LRIG1: variants seen among roughly 807,000 people sequenced by gnomAD.
LRIG1 encodes the protein leucine-rich repeats and immunoglobulin-like domains protein 1.
A neutral mutation model predicts 99.2 loss-of-function variants in LRIG1; 48 were observed. The observed-to-expected ratio is 0.48, with a 90% CI of 0.38 to 0.62. LRIG1 has a LOEUF of 0.62. Among genes scored for constraint, LRIG1 ranks in the 20% least tolerant of loss-of-function variants. The pLI is 0.00. For synonymous variants in LRIG1, 772 were observed against 596.1 expected (o/e 1.29, Z -4.30); for missense variants, 1,646 against 1,434.4 (o/e 1.15, Z -2.38).
At chr3:66,410,090 C>G (rs749533721) in intron 7 of LRIG1, 39 bp downstream of exon 7, 15 of 1,578,074 alleles carry the variant, frequency 9.5e-6, no homozygotes, top group Non-Finnish European at 1.0e-5. Context: ...CAAGCAGTGT[C>G]TAAAAACACT....
intron 1 of LRIG1, 60 bp downstream of exon 1, chr3:66,500,130 G>T: frequency 7.3e-7 from 1 of 1,363,122 alleles, no homozygotes; most frequent in Non-Finnish European, 9.9e-7. Context: ...AACCCCCGCC[G>T]CTCCATCCCC....
chr3:66,486,598 A>C (rs1036942675), intron 1 of LRIG1, among the ~76,000 whole-genome samples: 1 of 152,238 alleles, frequency 6.6e-6, no homozygotes, highest in African/African-American at 2.4e-5. Context: ...AATCGACTCA[A>C]CTAATGATTC....
At chr3:66,381,114 G>A (rs1701031701) in intron 17 of LRIG1, among the ~76,000 whole-genome samples, 1 of 152,200 alleles carries the variant, frequency 6.6e-6, no homozygotes, top group Non-Finnish European at 1.5e-5. Flanking sequence ...CTTCACGGGG[G>A]AAAAGCCATT....
intron 1 of LRIG1, among the ~76,000 whole-genome samples, chr3:66,496,943 G>T (rs913721369): frequency 6.6e-6 from 1 of 152,232 alleles, no homozygotes; most frequent in Admixed American, 6.5e-5. Context: ...CACAGTTGGT[G>T]TTTATTTTCT....
At chr3:66,396,493 A>G (rs1376818103) in intron 11 of LRIG1, among the ~76,000 whole-genome samples, 2 of 152,232 alleles carry the variant, frequency 1.3e-5, no homozygotes, top group African/African-American at 4.8e-5. Flanking sequence ...TGATGGAGAA[A>G]AAGACGACCA....
intron 3 of LRIG1, among the ~76,000 whole-genome samples, chr3:66,425,767 C>T (rs1273545361): frequency 1.3e-5 from 2 of 152,216 alleles, no homozygotes; most frequent in Non-Finnish European, 2.9e-5. Context: ...CAGTTTACCC[C>T]TTGGGCTGCC....
At chr3:66,410,048 G>C in intron 7 of LRIG1, 81 bp downstream of exon 7, 1 of 1,453,192 alleles carries the variant, frequency 6.9e-7, no homozygotes. Context: ...CCACTGTGTG[G>C]TGGAACGAAC....
intron 1 of LRIG1, among the ~76,000 whole-genome samples, chr3:66,497,805 A>G (rs569491625): frequency 6.7e-6 from 1 of 150,130 alleles, no homozygotes; most frequent in Admixed American, 6.6e-5. Context: ...CAGTAAATCC[A>G]GTTCATGGGT....
intron 2 of LRIG1, among the ~76,000 whole-genome samples, chr3:66,451,917 G>C (rs1413142866): frequency 2.0e-5 from 3 of 152,230 alleles, no homozygotes; most frequent in Non-Finnish European, 4.4e-5. Flanking sequence ...TCAAGACAAG[G>C]AACAGTGAGA....
chr3:66,402,964 C>T (rs1702117480), intron 9 of LRIG1, among the ~76,000 whole-genome samples: 2 of 152,198 alleles, frequency 1.3e-5, no homozygotes, highest in African/African-American at 4.8e-5. Context: ...GACTCAACAC[C>T]TGTGATAGGC....
At chr3:66,385,907 T>A in intron 13 of LRIG1, 74 bp downstream of exon 13, 7 of 1,339,150 alleles carry the variant, frequency 5.2e-6, no homozygotes, top group Non-Finnish European at 7.4e-6. Context: ...CATCTCTACA[T>A]GGAAAGCTGA....
At position 66,379,993 on chromosome 3, in the gene LRIG1, A is replaced by G. The variant is rs1700936836; in HGVS notation, c.*270T>C. ...AATTTTTTTCTGTTAACCATGCACTAAAGATTAAAATAGCCTCTGTAAAAG... is the reference window on the plus strand; with the variant it reads ...AATTTTTTTCTGTTAACCATGCACTGAAGATTAAAATAGCCTCTGTAAAAG... On this transcript the variant is annotated 3_prime_UTR_variant, in exon 19 of 19. Coordinates refer to ENST00000273261, the MANE Select transcript of LRIG1 (RefSeq NM_015541.3). 3.6e-6 allele frequency: 1 copy of G among 277,760 alleles called. No homozygotes were observed. Among genetic ancestry groups the G allele is most frequent in the Non-Finnish European group, 6.7e-6 (1 of 148,654 alleles). 17.2% of individuals were successfully genotyped at this position (277,760 alleles called of 1,614,324 possible). A position where few individuals can be genotyped will look rare whatever the true frequency, so the allele number is the denominator to read the frequency against.
intron 1 of LRIG1, among the ~76,000 whole-genome samples, chr3:66,485,139 C>T (rs1700942257): frequency 7.6e-6 from 1 of 132,080 alleles, no homozygotes; most frequent in Admixed American, 8.1e-5. Flanking sequence ...ACCTGGGTGA[C>T]AGATTAAGAC....
Position 66,386,010 on chromosome 3 carries a change from T to G in LRIG1, c.1760A>C (p.Tyr587Ser). 6.2e-7 allele frequency: 1 copy of G among 1,614,088 alleles called. No homozygotes were observed. The highest frequency in any genetic ancestry group is 1.6e-4 in the Middle Eastern group (1 of 6,062). The stretch of plus-strand genomic sequence containing the variant: ...CACGGTGAGCCTGGCCTTATGTGAA[T>G]AGGTGGAGCCAAAGTGGTTGGTGAT... ...CVITNHFGST[Y>S]SHKARLTVNV... The change falls in exon 13 of 19, where the codon TAT (tyrosine) becomes TCT (serine). Residue 587 changes from tyrosine to serine, a missense_variant. By Grantham distance (144) the Tyr-to-Ser change is moderately radical. Coordinates refer to ENST00000273261, the MANE Select transcript of LRIG1 (RefSeq NM_015541.3).
At chr3:66,400,497 G>T (rs1169297800) in intron 9 of LRIG1, among the ~76,000 whole-genome samples, 1 of 152,182 alleles carries the variant, frequency 6.6e-6, no homozygotes, top group Non-Finnish European at 1.5e-5. Context: ...CCAACTCCTG[G>T]TGATTCTCAG....
chr3:66,432,604 GA>G (rs1249951038), intron 3 of LRIG1, among the ~76,000 whole-genome samples: 1 of 152,148 alleles, frequency 6.6e-6, no homozygotes, highest in African/African-American at 2.4e-5. Flanking sequence ...CTAAGGCACG[GA>G]AAGGTCAACT....
intron 5 of LRIG1, among the ~76,000 whole-genome samples, chr3:66,414,153 T>G (rs1356359320): frequency 6.6e-6 from 1 of 152,096 alleles, no homozygotes; most frequent in African/African-American, 2.4e-5. Context: ...ATCCCAGCAC[T>G]TTGGGAGGCC....
At chr3:66,408,958 GTGTGGT>G (rs1559783597) in intron 7 of LRIG1, among the ~76,000 whole-genome samples, 13 of 125,812 alleles carry the variant, frequency 1.0e-4, no homozygotes, top group African/African-American at 1.5e-4. Flanking sequence ...GTGTGTGTGT[GTGTGGT>G]GGGGGGAGGG....
At chr3:66,477,438 G>C (rs1476790926) in intron 1 of LRIG1, among the ~76,000 whole-genome samples, 1 of 152,134 alleles carries the variant, frequency 6.6e-6, no homozygotes, top group Non-Finnish European at 1.5e-5. Context: ...TAGTTTGCTG[G>C]TAAAACATTG....
Sources: allele counts gnomAD v4.1 joint callset (sites outside exome capture counted in the v4.1 genomes callset), GRCh38; gene constraint gnomAD v4.1.1; transcripts MANE v1.5; gene names NCBI Gene and HGNC (gene_info 2026-07-23, HGNC 2026-07-21).